Variants in NACA observed in about 807,000 individuals in gnomAD.
NACA encodes the protein nascent polypeptide associated complex subunit alpha, also known as nascent polypeptide-associated complex subunit alpha.
Under a neutral mutation model 86.4 loss-of-function variants are expected in NACA, and 42 were observed. The ratio of observed to expected loss-of-function variants is 0.49; its 90% confidence interval spans 0.38 to 0.63. The LOEUF (loss-of-function observed/expected upper bound fraction) is 0.63, where lower values mean the gene tolerates loss of function less well. NACA is among the 20% of genes least tolerant of loss of function. NACA has a pLI of 0.00. For missense variants in NACA, 2,157 were observed against 2,483.6 expected, an observed-to-expected ratio of 0.87 and a Z score of 2.80; for synonymous variants, 898 against 973.7, an observed-to-expected ratio of 0.92 and a Z score of 1.45.
In NACA at chr12:56,719,388, G is replaced by C. The variant is rs7133373; in HGVS notation, c.2142C>G (p.Pro714=). ...ASENCPVAPS[P]QNTCAPLATL... ...TAGCCAGAGGAGCACAGGTATTCTG[G>C]GGGGATGGAGCCACAGGGCAATTTT... The change falls in exon 3 of 9, where the codon CCC becomes CCG. Residue 714 remains proline (P), a synonymous_variant. Coordinates refer to ENST00000454682, the MANE Select transcript of NACA (RefSeq NM_001365896.1). 3 of 1,611,192 alleles carry C rather than the reference G, an allele frequency of 1.9e-6. No homozygotes were observed. The South Asian group carries it at 3.3e-5, about 18-fold the overall frequency.
At chr12:56,714,484 G>C (rs1188614057) in intron 4 of NACA, 45 bp from the exon 5 acceptor site, 1 of 1,607,248 alleles carries the variant, frequency 6.2e-7, no homozygotes, top group South Asian at 1.1e-5. Context: ...TCTAAGATCT[G>C]GATAGCACAA....
At chr12:56,713,402 T>C (rs1055453226) in intron 6 of NACA, 135 bp downstream of exon 6, 5 of 1,303,080 alleles carry the variant, frequency 3.8e-6, no homozygotes, top group Non-Finnish European at 5.3e-6. Flanking sequence ...TATATGGCAA[T>C]GGAGTTTTTG....
At position 56,717,811 on chromosome 12, in the gene NACA, G is replaced by A; in HGVS notation, c.3719C>T (p.Ala1240Val). 1 of 1,146,922 alleles carries A rather than the reference G, an allele frequency of 8.7e-7. No homozygotes were observed. The highest frequency in any genetic ancestry group is 3.6e-5 in the Admixed American group (1 of 27,642). 71.0% of individuals were successfully genotyped at this position (1,146,922 alleles called of 1,614,324 possible). The change falls in exon 3 of 9, where the codon GCC becomes GTC. Residue 1240 changes from alanine (A) to valine (V), a missense_variant. Ala to Val is a moderately conservative substitution (Grantham distance 64). Transcript: ENST00000454682. The stretch of plus-strand genomic sequence containing the variant: ...AGGAGTTGCAGCTGGGGTTGTGGGG[G>A]CCCCTTTGGGGGATGGGGTAGCCAG... ...GGLATPSPKG[A>V]PTTPAATPPS...
chr12:56,721,703 A>C (rs981844414), intron 2 of NACA, among the ~76,000 whole-genome samples: 1 of 152,224 alleles, frequency 6.6e-6, no homozygotes, highest in Non-Finnish European at 1.5e-5. Context: ...AGTTCTACCA[A>C]AGTAAACCAA....
At position 56,714,672 on chromosome 12, in the gene NACA, G is replaced by T. The variant is rs777531581; in HGVS notation, c.5675C>A (p.Ser1892Tyr). The change falls in exon 4 of 9, where the codon TCT becomes TAT. Residue 1892 changes from serine to tyrosine, a missense_variant. By Grantham distance (144) the Ser-to-Tyr change is moderately radical (BLOSUM62 -2). This residue lies in a region of NACA where 797 missense variants were observed against 777.6 expected (regional missense o/e 1.02). Transcript: ENST00000454682. ...CTCTGGTACTGATTCATCACTGTCAGATTCTGTTCCAGACCCTAAGATGAG... is the reference window on the plus strand; with the variant it reads ...CTCTGGTACTGATTCATCACTGTCATATTCTGTTCCAGACCCTAAGATGAG... ...TKNNKGSGTE[S>Y]DSDESVPELE... The T allele has an allele frequency of 1.9e-6, 3 of 1,614,138 alleles. No homozygotes were observed. The South Asian group carries it at 3.3e-5, about 18-fold the overall frequency.
At chr12:56,724,336 C>T in intron 2 of NACA, 116 bp downstream of exon 2, 1 of 984,368 alleles carries the variant, frequency 1.0e-6, no homozygotes, top group South Asian at 1.7e-5. Context: ...GTCTATCCTC[C>T]TTGGTAAAGC....
chr12:56,718,870 GT>G lies in NACA; in HGVS notation c.2659del (p.Thr887LeufsTer5). ...GVTLPPKETPTPSVVNLPFPK... is the reference protein window; with the variant it reads ...GVTLPPKETPXPSVVNLPFPK... ...GAAGGGCAGATTCACCACTGAAGGA[GT>G]GGGGGTCTCTTTGGGGGGTAGTGTT... is the stretch of plus-strand genomic sequence containing the variant. On this transcript the variant is annotated frameshift_variant, in exon 3 of 9. Coordinates refer to ENST00000454682, the MANE Select transcript of NACA (RefSeq NM_001365896.1). LOFTEE classifies it high-confidence loss of function. The G allele has an allele frequency of 7.0e-7, 1 of 1,426,742 alleles. No individual in the cohort carries two copies. The allele number at this position is 1,426,742 out of a possible 1,614,324, so 88.4% of individuals were successfully genotyped here. A position where few individuals can be genotyped will look rare whatever the true frequency, so the allele number is the denominator to read the frequency against.
At position 56,721,184 on chromosome 12, in the gene NACA, A is replaced by C; in HGVS notation, c.346T>G (p.Leu116Val). The C allele has an allele frequency of 1.2e-6, 2 of 1,613,948 alleles. No individual in the cohort carries two copies. Among genetic ancestry groups the C allele is most frequent in the East Asian group, 2.2e-5 (1 of 44,880 alleles). ...LIGPPISPAA[L>V]ALASPMIAPT... ...GCTATCATGGGAGAGGCTAGAGCTAAGGCAGCTGGGGAGATGGGAGGCCCT... is the reference window on the plus strand; with the variant it reads ...GCTATCATGGGAGAGGCTAGAGCTACGGCAGCTGGGGAGATGGGAGGCCCT... The change falls in exon 3 of 9, where the codon TTA (leucine) becomes GTA (valine). Residue 116 changes from leucine to valine, a missense_variant. Physicochemically the swap from Leu to Val is conservative, Grantham distance 32. Coordinates refer to ENST00000454682, the MANE Select transcript of NACA (RefSeq NM_001365896.1).
chr12:56,717,147 G>A lies in NACA; in HGVS notation c.4383C>T (p.Ser1461=). The change falls in exon 3 of 9, where the codon TCC becomes TCT. Residue 1461 remains serine, a synonymous_variant. Transcript: ENST00000454682. ...CTGCTGGGAGGGTGGGATCCCCTTT[G>A]GAGGATGGGGTAGCTGGGCCTCCTT... ...APKGGPATPS[S]KGDPTLPAVT... 7.7e-7 allele frequency: 1 copy of A among 1,295,198 alleles called. No homozygotes were observed. The highest frequency in any genetic ancestry group is 1.0e-6 in the Non-Finnish European group (1 of 1,001,224). 80.2% of individuals were successfully genotyped at this position (1,295,198 alleles called of 1,614,324 possible).
In NACA at chr12:56,717,368, A is replaced by T; in HGVS notation, c.4162T>A (p.Ser1388Thr). The T allele has an allele frequency of 9.2e-7, 1 of 1,087,868 alleles. No homozygotes were observed. The highest frequency in any genetic ancestry group is 1.1e-6 in the Non-Finnish European group (1 of 884,892). 67.4% of individuals were successfully genotyped at this position (1,087,868 alleles called of 1,614,324 possible). ...GGGATAGCTGGTCCTCTTTTGGGGG[A>T]GGGAGGAGTCATAGCGGGACCTCCT... Reference protein sequence around the residue: ...HKGGPAMTPPSPKRGPAIPSP... With the variant: ...HKGGPAMTPPTPKRGPAIPSP... Residue 1388 changes from serine to threonine, a missense_variant, in exon 3 of 9, where the codon TCC becomes ACC. By Grantham distance (58) the Ser-to-Thr change is moderately conservative (BLOSUM62 1). Coordinates refer to ENST00000454682, the MANE Select transcript of NACA (RefSeq NM_001365896.1).
chr12:56,713,066 T>A lies in NACA; in HGVS notation c.6095A>T (p.Glu2032Val). The A allele has an allele frequency of 6.2e-7, 1 of 1,614,012 alleles. No individual in the cohort carries two copies. The highest frequency in any genetic ancestry group is 8.5e-7 in the Non-Finnish European group (1 of 1,179,992). ...TPTVQEESEE[E>V]EVDETGVEVK... ...ATGAAAGATTTCCTAGTATACCTCT[T>A]CCTCTTCACTCTCCTCTTGTACAGT... The change falls in exon 7 of 9, where the codon GAA becomes GTA. Residue 2032 changes from glutamate (E) to valine (V), a missense_variant. Coordinates refer to ENST00000454682, the MANE Select transcript of NACA (RefSeq NM_001365896.1).
chr12:56,712,628 C>G, intron 8 of NACA, 76 bp from the exon 9 acceptor site: 2 of 1,597,654 alleles, frequency 1.3e-6, no homozygotes, highest in South Asian at 2.2e-5. Flanking sequence ...CTCTTACAGG[C>G]AAATCAGGAG....
Position 56,715,901 on chromosome 12 carries a change from C to T in NACA, c.5629G>A (p.Ala1877Thr). Residue 1877 changes from alanine to threonine, a missense_variant, in exon 3 of 9, where the codon GCC becomes ACC. By Grantham distance (58) the Ala-to-Thr change is moderately conservative. Around this residue, in one of 8 missense-constraint regions of NACA, gnomAD observed 797 missense variants for 777.6 expected, o/e 1.02. Transcript: ENST00000454682. The part of the protein sequence containing the change: ...SAGIPVPTPS[A>T]KQPVTKNNKG... ...TTGTTCTTCGTAACAGGTTGCTTGG[C>T]AGAGGGGGTTGGGACAGGGATTCCA... 3 of 1,516,562 alleles carry T rather than the reference C, an allele frequency of 2.0e-6. No individual in the cohort carries two copies. The highest frequency in any genetic ancestry group is 1.3e-5 in the South Asian group (1 of 75,412). The allele number at this position is 1,516,562 out of a possible 1,614,324, so 93.9% of individuals were successfully genotyped here.
intron 1 of NACA, 96 bp downstream of exon 1, chr12:56,725,167 C>T (rs1331119030): frequency 1.3e-5 from 2 of 152,460 alleles, no homozygotes; most frequent in Non-Finnish European, 2.9e-5. Context: ...CCAGTAAAGC[C>T]TCCAACTCTC....
Position 56,713,523 on chromosome 12 carries a change from A to G in NACA, c.5970+14T>C, listed in dbSNP as rs201368647. ...ACCCTGGTCTGGAACAATGCCCAAG[A>G]AAAGTTTACTCACCTTGGCTTCCCC... On this transcript the variant is annotated intron_variant, in intron 6 of 8. Coordinates refer to ENST00000454682, the MANE Select transcript of NACA (RefSeq NM_001365896.1). 1.8e-5 allele frequency: 29 copies of G among 1,613,084 alleles called. No individual in the cohort carries two copies. Among genetic ancestry groups the G allele is most frequent in the Non-Finnish European group, 2.4e-5 (28 of 1,179,412 alleles).
At chr12:56,713,493 G>C in intron 6 of NACA, 44 bp downstream of exon 6, 1 of 1,603,848 alleles carries the variant, frequency 6.2e-7, no homozygotes, top group Non-Finnish European at 8.5e-7. Context: ...TGCTGAGGTT[G>C]AGAAACCCTG....
intron 2 of NACA, among the ~76,000 whole-genome samples, chr12:56,723,799 G>T (rs956493490): frequency 6.6e-6 from 1 of 152,118 alleles, no homozygotes. Flanking sequence ...TTTCTACAGA[G>T]ATATGTTTTA....
In NACA at chr12:56,716,239, G is replaced by A. The variant is rs187514929; in HGVS notation, c.5291C>T (p.Pro1764Leu). ...ASHSPKGPLA[P>L]PESKASTPLT... Reference sequence around the variant, plus strand: ...AGGGGTGGACGCCTTAGACTCAGGAGGAGCCAAGGGGCCCTTTGGGGAATG... The same window carrying A: ...AGGGGTGGACGCCTTAGACTCAGGAAGAGCCAAGGGGCCCTTTGGGGAATG... The change falls in exon 3 of 9, where the codon CCT (proline) becomes CTT (leucine). Residue 1764 changes from proline to leucine, a missense_variant. Physicochemically the swap from Pro to Leu is moderately conservative, Grantham distance 98. This residue lies in a region of NACA where 797 missense variants were observed against 777.6 expected (regional missense o/e 1.02). Coordinates refer to ENST00000454682, the MANE Select transcript of NACA (RefSeq NM_001365896.1). 279 of 1,613,798 alleles carry A rather than the reference G, an allele frequency of 1.7e-4. No homozygotes were observed. In the African/African-American group the frequency reaches 2.8e-3, roughly 16 times the overall value.
chr12:56,723,966 GGAC>G (rs1953643248), intron 2 of NACA, among the ~76,000 whole-genome samples: 1 of 152,204 alleles, frequency 6.6e-6, no homozygotes, highest in Admixed American at 6.5e-5. Flanking sequence ...ATCCGACCTA[GGAC>G]GACTCTGGGG....
Sources: allele counts gnomAD v4.1 joint callset (sites outside exome capture counted in the v4.1 genomes callset), GRCh38; gene constraint gnomAD v4.1.1; regional missense constraint gnomAD v4.1.1; transcripts MANE v1.5; gene names NCBI Gene and HGNC (gene_info 2026-07-23, HGNC 2026-07-21).